GRID2: variants seen among roughly 807,000 people sequenced by gnomAD.
GRID2 encodes the protein glutamate ionotropic receptor delta type subunit 2.
GRID2 carries 33 observed loss-of-function variants against 114.8 expected under a neutral mutation model. The observed-to-expected ratio is 0.29, with a 90% CI of 0.22 to 0.38. The LOEUF (loss-of-function observed/expected upper bound fraction) is 0.38, where lower values mean the gene tolerates loss of function less well. Ranked by LOEUF, GRID2 falls within the 10% of genes least tolerant of loss-of-function variation. GRID2 has a pLI of 1.00. For synonymous variants in GRID2, 505 were observed against 449.9 expected, an observed-to-expected ratio of 1.12 and a Z score of -1.55; for missense variants, 1,184 against 1,257.7, an observed-to-expected ratio of 0.94 and a Z score of 0.89.
rs1487965950 is a variant in GRID2, at chr4:92,868,058, TTCTTTCTTTCTG to T, written c.245-216933_245-216922del. On this transcript the variant is annotated intron_variant, in intron 2 of 15. Transcript: ENST00000282020. ...TTTCTTTCTTTCTTTCTTTCTTTCTTTCTTTCTTTCTGTCTGTCTGTCTGTCTGTCTTTCTTT... is the reference window on the plus strand; with the variant it reads ...TTTCTTTCTTTCTTTCTTTCTTTCTTTCTGTCTGTCTGTCTGTCTTTCTTT... Among the ~76,000 whole-genome samples, 481 of 134,338 alleles carry T rather than the reference TTCTTTCTTTCTG, an allele frequency of 3.6e-3. 2 individuals carry two copies. The highest frequency in any genetic ancestry group is 8.6e-3 in the African/African-American group (315 of 36,496). The allele number at this position is 134,338 out of a possible 152,430, so 88.1% of individuals were successfully genotyped here. A position where few individuals can be genotyped will look rare whatever the true frequency, so the allele number is the denominator to read the frequency against.
chr4:92,665,254 C>G (rs912161638), intron 2 of GRID2, among the ~76,000 whole-genome samples: 6 of 146,806 alleles, frequency 4.1e-5, no homozygotes, highest in African/African-American at 1.5e-4. Context: ...TCATAACACT[C>G]TAGTTTGAAT....
chr4:92,694,312 T>C (rs762510287), intron 2 of GRID2, among the ~76,000 whole-genome samples: 11 of 152,094 alleles, frequency 7.2e-5, no homozygotes, highest in Non-Finnish European at 1.5e-4. Context: ...AGGGAGCTAA[T>C]TGAGGTCTCC....
intron 1 of GRID2, among the ~76,000 whole-genome samples, chr4:92,361,713 TAA>T (rs1356044224): frequency 6.6e-6 from 1 of 152,008 alleles, no homozygotes; most frequent in East Asian, 1.9e-4. Flanking sequence ...TAAATTTTTT[TAA>T]GTCTCCAAAT....
At chr4:92,666,113 C>G (rs1732760980) in intron 2 of GRID2, among the ~76,000 whole-genome samples, 2 of 151,270 alleles carry the variant, frequency 1.3e-5, no homozygotes, top group Admixed American at 1.3e-4. Context: ...TTTTTTATTT[C>G]CATCCCTCAG....
chr4:92,988,722 C>T (rs992730091), intron 2 of GRID2, among the ~76,000 whole-genome samples: 2 of 152,036 alleles, frequency 1.3e-5, no homozygotes, highest in African/African-American at 4.8e-5. Context: ...ATTAAAATCC[C>T]TGGAAGAATA....
intron 2 of GRID2, among the ~76,000 whole-genome samples, chr4:92,673,148 A>C (rs1361028330): frequency 6.6e-6 from 1 of 152,106 alleles, no homozygotes; most frequent in East Asian, 1.9e-4. Flanking sequence ...TTGATTTTTA[A>C]TGACATCTAG....
intron 4 of GRID2, among the ~76,000 whole-genome samples, chr4:93,137,143 T>C (rs550398665): frequency 7.9e-5 from 12 of 152,308 alleles, no homozygotes; most frequent in African/African-American, 2.6e-4. Context: ...TGTAGCCAGT[T>C]GATATTCGCC....
At chr4:92,648,335 A>G (rs1445702801) in intron 2 of GRID2, among the ~76,000 whole-genome samples, 2 of 149,788 alleles carry the variant, frequency 1.3e-5, no homozygotes, top group Non-Finnish European at 3.0e-5. Context: ...TTTCAGCAGT[A>G]TAAGCCTCCT....
chr4:92,866,090 C>T (rs1242492250), intron 2 of GRID2, among the ~76,000 whole-genome samples: 1 of 152,138 alleles, frequency 6.6e-6, no homozygotes, highest in Non-Finnish European at 1.5e-5. Flanking sequence ...ACCTGAAAAA[C>T]TCTCTTGGTC....
chr4:93,231,129 C>T (rs1323287205), intron 7 of GRID2, among the ~76,000 whole-genome samples: 1 of 151,952 alleles, frequency 6.6e-6, no homozygotes, highest in Non-Finnish European at 1.5e-5. Context: ...AATCAATTTG[C>T]CCAGTGCAGA....
intron 2 of GRID2, among the ~76,000 whole-genome samples, chr4:92,677,166 A>T (rs1025239383): frequency 1.6e-4 from 24 of 152,170 alleles, no homozygotes; most frequent in Non-Finnish European, 4.4e-5. Context: ...CAGTAGGGGA[A>T]GATGGAACAG....
At chr4:92,736,410 G>GT (rs1736601252) in intron 2 of GRID2, among the ~76,000 whole-genome samples, 1 of 151,980 alleles carries the variant, frequency 6.6e-6, no homozygotes, top group Non-Finnish European at 1.5e-5. Flanking sequence ...AATTTTTATC[G>GT]TTTTAAGATG....
intron 2 of GRID2, among the ~76,000 whole-genome samples, chr4:92,817,413 T>C (rs1348204351): frequency 6.6e-6 from 1 of 152,160 alleles, no homozygotes; most frequent in East Asian, 1.9e-4. Context: ...TTTGTACTTA[T>C]CCTAGATGAC....
At chr4:92,735,832 T>C (rs1420464657) in intron 2 of GRID2, among the ~76,000 whole-genome samples, 1 of 151,990 alleles carries the variant, frequency 6.6e-6, no homozygotes, top group Admixed American at 6.6e-5. Flanking sequence ...CAACTAATAA[T>C]CAATGAAGCC....
chr4:92,964,264 C>G (rs186515237), intron 2 of GRID2, among the ~76,000 whole-genome samples: 1 of 151,978 alleles, frequency 6.6e-6, no homozygotes, highest in Non-Finnish European at 1.5e-5. Context: ...TTTGTCCTCT[C>G]TAGCTATGAA....
chr4:92,486,129 T>A (rs1722877048), intron 1 of GRID2, among the ~76,000 whole-genome samples: 2 of 151,428 alleles, frequency 1.3e-5, no homozygotes, highest in Admixed American at 1.3e-4. Context: ...TATGTAAATC[T>A]TATAATGAAA....
chr4:93,647,818 A>G (rs1722244695), intron 14 of GRID2, among the ~76,000 whole-genome samples: 1 of 152,196 alleles, frequency 6.6e-6, no homozygotes, highest in Non-Finnish European at 1.5e-5. Flanking sequence ...TAGAGAATAT[A>G]AGGAACAAAT....
intron 1 of GRID2, among the ~76,000 whole-genome samples, chr4:92,557,195 T>C (rs1726892622): frequency 6.6e-6 from 1 of 152,052 alleles, no homozygotes; most frequent in Admixed American, 6.6e-5. Context: ...ATATAGCTTT[T>C]ACTATTTTTT....
chr4:92,672,372 A>T (rs573393777), intron 2 of GRID2, among the ~76,000 whole-genome samples: 1 of 152,282 alleles, frequency 6.6e-6, no homozygotes, highest in Admixed American at 6.5e-5. Flanking sequence ...CTACATCTGA[A>T]TTTACAATCA....
Sources: allele counts gnomAD v4.1 joint callset (sites outside exome capture counted in the v4.1 genomes callset), GRCh38; gene constraint gnomAD v4.1.1; transcripts MANE v1.5; gene names NCBI Gene and HGNC (gene_info 2026-07-23, HGNC 2026-07-21).